AK8: variants seen among roughly 807,000 people sequenced by gnomAD.
AK8 encodes adenylate kinase 8.
In AK8, 44 loss-of-function variants were observed where a neutral mutation model predicts 54.6. That is an observed-to-expected ratio of 0.81 (90% CI 0.63 to 1.04). The LOEUF is 1.04. AK8 is among the 50% of genes least tolerant of loss of function. AK8 has a pLI of 0.00. For synonymous variants in AK8, 239 were observed against 245.6 expected (o/e 0.97, Z 0.25); for missense variants, 555 against 613.6 (o/e 0.90, Z 1.01).
At chr9:132,829,657 G>A (rs1842028566) in intron 5 of AK8, among the ~76,000 whole-genome samples, 1 of 151,636 alleles carries the variant, frequency 6.6e-6, no homozygotes, top group Admixed American at 6.6e-5. Flanking sequence ...ACTTGTTACA[G>A]GATTGAAATT....
chr9:132,726,586 C>G (rs1564367786), intron 12 of AK8, among the ~76,000 whole-genome samples: 1 of 152,164 alleles, frequency 6.6e-6, no homozygotes, highest in Non-Finnish European at 1.5e-5. Context: ...CTTTTTCCTC[C>G]CTTCCATTCA....
In AK8 at chr9:132,866,775, TAAG is replaced by T. The variant is rs1843616613; in HGVS notation, c.219+126_219+128del. 18 of 914,068 alleles carry T rather than the reference TAAG, an allele frequency of 2.0e-5. No individual in the cohort carries two copies. The East Asian group carries it at 4.1e-4, about 21-fold the overall frequency. The allele number at this position is 914,068 out of a possible 1,614,324, so 56.6% of individuals were successfully genotyped here. ...TATGAATACACACTACCTTTTGTAA[TAAG>T]AAGGAGGAGAAGGAAAAGAAGAAAA... On this transcript the variant is annotated intron_variant, in intron 3 of 12. Transcript: ENST00000298545.
chr9:132,760,610 T>C (rs773130691), intron 11 of AK8, among the ~76,000 whole-genome samples: 3 of 152,176 alleles, frequency 2.0e-5, no homozygotes, highest in Non-Finnish European at 4.4e-5. Flanking sequence ...CACTGTTTAA[T>C]AATGTTTCAT....
chr9:132,841,725 T>C (rs1196646510), intron 5 of AK8, among the ~76,000 whole-genome samples: 1 of 152,230 alleles, frequency 6.6e-6, no homozygotes, highest in African/African-American at 2.4e-5. Flanking sequence ...TTTCTGTAGA[T>C]GGCTTTTTAA....
At chr9:132,867,328 T>G (rs1843643784) in intron 2 of AK8, among the ~76,000 whole-genome samples, 1 of 152,238 alleles carries the variant, frequency 6.6e-6, no homozygotes, top group Non-Finnish European at 1.5e-5. Flanking sequence ...CCTTAGAAGC[T>G]TTTCTTTATG....
At chr9:132,788,041 CA>C (rs1279644781) in intron 11 of AK8, among the ~76,000 whole-genome samples, 1 of 150,178 alleles carries the variant, frequency 6.7e-6, no homozygotes, top group African/African-American at 2.4e-5. Flanking sequence ...AAAAAAAAAA[CA>C]ACAACCTGAA....
At chr9:132,744,947 C>T (rs1361178071) in intron 11 of AK8, among the ~76,000 whole-genome samples, 1 of 152,192 alleles carries the variant, frequency 6.6e-6, no homozygotes, top group Non-Finnish European at 1.5e-5. Context: ...CCATATGAAT[C>T]CGCCAGTCAC....
intron 10 of AK8, among the ~76,000 whole-genome samples, chr9:132,808,215 T>C (rs1373072992): frequency 6.6e-6 from 1 of 152,210 alleles, no homozygotes; most frequent in African/African-American, 2.4e-5. Flanking sequence ...GTTTATCGTA[T>C]GCAGAGCAAA....
At chr9:132,820,643 C>T (rs537188555) in intron 9 of AK8, among the ~76,000 whole-genome samples, 23 of 152,348 alleles carry the variant, frequency 1.5e-4, no homozygotes, top group Non-Finnish European at 2.9e-4. Flanking sequence ...CAGTGGCTTT[C>T]GCCTTTCAGA....
At chr9:132,731,392 C>A (rs1836838896) in intron 11 of AK8, among the ~76,000 whole-genome samples, 1 of 152,114 alleles carries the variant, frequency 6.6e-6, no homozygotes, top group South Asian at 2.1e-4. Flanking sequence ...CGTGTCTGTG[C>A]AGGTGTCTCC....
chr9:132,784,804 A>G (rs1454138204), intron 11 of AK8, among the ~76,000 whole-genome samples: 1 of 152,264 alleles, frequency 6.6e-6, no homozygotes, highest in Non-Finnish European at 1.5e-5. Context: ...TAATCCATTC[A>G]AATGAAAGAT....
At chr9:132,759,620 T>C (rs1838357217) in intron 11 of AK8, among the ~76,000 whole-genome samples, 1 of 152,238 alleles carries the variant, frequency 6.6e-6, no homozygotes, top group African/African-American at 2.4e-5. Flanking sequence ...GTTACATATA[T>C]GGGGCAAGTA....
chr9:132,784,163 G>T (rs554064171), intron 11 of AK8, among the ~76,000 whole-genome samples: 128 of 152,280 alleles, frequency 8.4e-4, no homozygotes, highest in African/African-American at 2.9e-3. Context: ...GAAAGAGAAG[G>T]GGGTAGGGGA....
intron 5 of AK8, among the ~76,000 whole-genome samples, chr9:132,842,032 A>G (rs1842564602): frequency 6.6e-6 from 1 of 152,212 alleles, no homozygotes; most frequent in African/African-American, 2.4e-5. Context: ...GAAAGCACTA[A>G]TGATGGGAAT....
intron 11 of AK8, among the ~76,000 whole-genome samples, chr9:132,728,869 T>A (rs1483830393): frequency 6.6e-6 from 1 of 151,720 alleles, no homozygotes; most frequent in African/African-American, 2.4e-5. Flanking sequence ...CCACCCCCCT[T>A]TTTAGGGCAA....
chr9:132,870,992 T>A (rs1278147991), intron 2 of AK8, among the ~76,000 whole-genome samples: 1 of 152,204 alleles, frequency 6.6e-6, no homozygotes, highest in Non-Finnish European at 1.5e-5. Flanking sequence ...ATGCCTGTAA[T>A]CCCAGCACTT....
intron 11 of AK8, among the ~76,000 whole-genome samples, chr9:132,766,647 A>AC (rs1838736775): frequency 6.6e-6 from 1 of 152,154 alleles, no homozygotes; most frequent in African/African-American, 2.4e-5. Context: ...GAAAAAAAAA[A>AC]CTTAAAATTT....
intron 5 of AK8, among the ~76,000 whole-genome samples, chr9:132,852,494 C>A (rs918386861): frequency 7.3e-5 from 11 of 151,718 alleles, no homozygotes; most frequent in Non-Finnish European, 1.5e-4. Flanking sequence ...CCTGTAATCC[C>A]AGCTACTCGG....
chr9:132,766,440 G>A (rs1838728739), intron 11 of AK8, among the ~76,000 whole-genome samples: 1 of 152,138 alleles, frequency 6.6e-6, no homozygotes, highest in Admixed American at 6.6e-5. Flanking sequence ...AACCAAGGAA[G>A]TAAAAGGTCT....
Sources: gnomAD v4.1 joint callset for allele counts (sites outside exome capture counted in the v4.1 genomes callset) on GRCh38, gnomAD v4.1.1 for gene constraint, MANE v1.5 for transcripts, NCBI Gene and HGNC (gene_info 2026-07-23, HGNC 2026-07-21) for gene names.